ABCF1: variants seen among roughly 807,000 people sequenced by gnomAD.
The protein encoded by ABCF1 is ATP-binding cassette sub-family F member 1.
In ABCF1, 73 loss-of-function variants were observed where a neutral mutation model predicts 126.3. That is an observed-to-expected ratio of 0.58 (90% CI 0.48 to 0.70). ABCF1 has a LOEUF of 0.70. ABCF1 is among the 30% of genes least tolerant of loss of function. The probability of loss-of-function intolerance (pLI) is 0.00; values close to 1 mark genes in which losing one functional copy is unlikely to be tolerated. For missense variants in ABCF1, 786 were observed against 1,057.5 expected (o/e 0.74, Z 3.56); for synonymous variants, 345 against 396.4 (o/e 0.87, Z 1.54).
At chr6:30,575,984 G>A (rs1801476057) in intron 1 of ABCF1, among the ~76,000 whole-genome samples, 2 of 151,306 alleles carry the variant, frequency 1.3e-5, no homozygotes. Flanking sequence ...TAAAGTGGGA[G>A]GATCACCTAA....
Position 30,586,467 on chromosome 6 carries a change from C to CT in ABCF1, c.1886-4dup. On this transcript the variant is annotated splice_region_variant and splice_polypyrimidine_tract_variant and intron_variant, in intron 18 of 24. Transcript: ENST00000326195. The surrounding 1 kb of genome is among the most constrained non-coding windows in gnomAD (Gnocchi z 4.9). Reference sequence around the variant, plus strand: ...GAATATAAATTGCTTCTTTTCGTGGCTTTCAGGTGTGACATTCGGCTACCA... The same window carrying CT: ...GAATATAAATTGCTTCTTTTCGTGGCTTTTCAGGTGTGACATTCGGCTACCA... 1 of 1,613,736 alleles carries CT rather than the reference C, an allele frequency of 6.2e-7. No individual in the cohort carries two copies. Among genetic ancestry groups the CT allele is most frequent in the Non-Finnish European group, 8.5e-7 (1 of 1,180,000 alleles).
intron 24 of ABCF1, 42 bp downstream of exon 24, chr6:30,590,420 G>A: frequency 6.3e-7 from 1 of 1,585,494 alleles, no homozygotes; most frequent in Non-Finnish European, 8.6e-7. Context: ...GCTCCATGGG[G>A]ACCAAGCTGT....
In ABCF1 at chr6:30,586,229, G is replaced by A; in HGVS notation, c.1809G>A (p.Lys603=). The change falls in exon 18 of 25, where the codon AAG becomes AAA. Residue 603 remains lysine, a synonymous_variant. Coordinates refer to ENST00000326195, the MANE Select transcript of ABCF1 (RefSeq NM_001025091.2). The surrounding 1 kb of genome is among the most constrained non-coding windows in gnomAD (Gnocchi z 4.9). ...CCCAGGAGGCCCCTGAGCTCCTGAAGCGCCCTAAGGAGTACACTGTGCGCT... is the reference window on the plus strand; with the variant it reads ...CCCAGGAGGCCCCTGAGCTCCTGAAACGCCCTAAGGAGTACACTGTGCGCT... The part of the protein sequence containing the change: ...EESQEAPELL[K]RPKEYTVRFT... 6 of 1,614,062 alleles carry A rather than the reference G, an allele frequency of 3.7e-6. No homozygotes were observed. The highest frequency in any genetic ancestry group is 5.1e-6 in the Non-Finnish European group (6 of 1,179,966).
At chr6:30,577,163 T>C (rs1561784847) in intron 1 of ABCF1, among the ~76,000 whole-genome samples, 1 of 152,252 alleles carries the variant, frequency 6.6e-6, no homozygotes, top group Non-Finnish European at 1.5e-5. Context: ...TTCATTGCTA[T>C]GATCCCCTAC....
At position 30,584,289 on chromosome 6, in the gene ABCF1, G is replaced by A. The variant is rs1172992310; in HGVS notation, c.1200G>A (p.Gln400=). The A allele has an allele frequency of 6.2e-7, 1 of 1,612,996 alleles. No homozygotes were observed. The highest frequency in any genetic ancestry group is 1.3e-5 in the African/African-American group (1 of 74,898). The change falls in exon 13 of 25, where the codon CAG becomes CAA. Residue 400 remains glutamine (Q), a synonymous_variant. Transcript: ENST00000326195. This position sits in a 1 kb window ranked among gnomAD's most constrained non-coding sequence, Gnocchi z 4.6. The part of the protein sequence containing the change: ...LLEEERRLQG[Q]LEQGDDTAAE... Reference sequence around the variant, plus strand: ...AAGAGGAGCGGCGGCTTCAGGGACAGCTGGAACAAGGGGATGACACAGCTG... The same window carrying A: ...AAGAGGAGCGGCGGCTTCAGGGACAACTGGAACAAGGGGATGACACAGCTG...
At chr6:30,580,733 G>T (rs540071398) in intron 8 of ABCF1, among the ~76,000 whole-genome samples, 10 of 152,238 alleles carry the variant, frequency 6.6e-5, no homozygotes, top group African/African-American at 2.4e-4. Context: ...GAGTGCAGTG[G>T]TGTGAACACG....
chr6:30,572,848 G>A (rs1013496873), intron 1 of ABCF1, among the ~76,000 whole-genome samples: 13 of 152,174 alleles, frequency 8.5e-5, no homozygotes, highest in Non-Finnish European at 1.2e-4. Context: ...AAGGGGAAGC[G>A]CATTCCAAGC....
At chr6:30,577,126 G>A (rs1053404776) in intron 1 of ABCF1, among the ~76,000 whole-genome samples, 4 of 152,328 alleles carry the variant, frequency 2.6e-5, no homozygotes, top group East Asian at 1.9e-4. Flanking sequence ...TAGCCTGCAA[G>A]CTCCAGAGGA....
chr6:30,574,268 C>T lies in ABCF1; in HGVS notation c.73+2708C>T, dbSNP rs1400595476. Among the ~76,000 whole-genome samples, 1 of 152,020 alleles carries T rather than the reference C, an allele frequency of 6.6e-6. No individual in the cohort carries two copies. Among genetic ancestry groups the T allele is most frequent in the Non-Finnish European group, 1.5e-5 (1 of 68,004 alleles). On this transcript the variant is annotated intron_variant, in intron 1 of 24. Transcript: ENST00000326195. The surrounding 1 kb of genome is among the most constrained non-coding windows in gnomAD (Gnocchi z 4.3). ...TCCCTTGTAGCTGGGACTACAGGCA[C>T]ACACCGCCATGCCTGGCTTATTTTT...
At chr6:30,575,368 A>G (rs1215361804) in intron 1 of ABCF1, among the ~76,000 whole-genome samples, 1 of 67,152 alleles carries the variant, frequency 1.5e-5, no homozygotes, top group Non-Finnish European at 2.8e-5. Context: ...GCACCCGACC[A>G]ATTTTTTTTT....
At chr6:30,575,665 C>T (rs75130248) in intron 1 of ABCF1, among the ~76,000 whole-genome samples, 4,345 of 151,972 alleles carry the variant, frequency 0.029, 134 homozygotes, top group African/African-American at 0.075. Flanking sequence ...GTAAATATGA[C>T]ACAATGTGAT....
At position 30,574,414 on chromosome 6, in the gene ABCF1, G is replaced by A. The variant is rs1342299530; in HGVS notation, c.73+2854G>A. Among the ~76,000 whole-genome samples the A allele has an allele frequency of 6.6e-6, 1 of 152,208 alleles. No homozygotes were observed. Among genetic ancestry groups the A allele is most frequent in the East Asian group, 1.9e-4 (1 of 5,190 alleles). Reference sequence around the variant, plus strand: ...TGGTCCCCAAAATGTTGGGATTACAGGCGTGAGCCAGTGTGCCTGGCCACA... The same window carrying A: ...TGGTCCCCAAAATGTTGGGATTACAAGCGTGAGCCAGTGTGCCTGGCCACA... On this transcript the variant is annotated intron_variant, in intron 1 of 24. Coordinates refer to ENST00000326195, the MANE Select transcript of ABCF1 (RefSeq NM_001025091.2). This position sits in a 1 kb window ranked among gnomAD's most constrained non-coding sequence, Gnocchi z 4.3.
At chr6:30,588,525 C>G (rs778203851) in intron 20 of ABCF1, among the ~76,000 whole-genome samples, 2 of 152,018 alleles carry the variant, frequency 1.3e-5, no homozygotes, top group Non-Finnish European at 2.9e-5. Context: ...CCACGCCCAG[C>G]TAATTTTTTG....
rs1801388712 is a variant in ABCF1 at position 30,574,244 on chromosome 6, C to T, written c.73+2684C>T. 6.6e-6 allele frequency among the ~76,000 whole-genome samples: 1 copy of T among 151,938 alleles called. No homozygotes were observed. The highest frequency in any genetic ancestry group is 6.6e-5 in the Admixed American group (1 of 15,262). ...CTCAATCGCAGGCTCAAGCCATCTT[C>T]CCTTGTAGCTGGGACTACAGGCACA... On this transcript the variant is annotated intron_variant, in intron 1 of 24. Transcript: ENST00000326195. This position sits in a 1 kb window ranked among gnomAD's most constrained non-coding sequence, Gnocchi z 4.3.
chr6:30,580,475 G>A lies in ABCF1; in HGVS notation c.634G>A (p.Glu212Lys). 1 of 1,529,480 alleles carries A rather than the reference G, an allele frequency of 6.5e-7. No homozygotes were observed. The highest frequency in any genetic ancestry group is 8.7e-7 in the Non-Finnish European group (1 of 1,151,838). 94.7% of individuals were successfully genotyped at this position (1,529,480 alleles called of 1,614,324 possible). Reference protein sequence around the residue: ...DKEEEIIKEKEPPKQGKEKAK... With the variant: ...DKEEEIIKEKKPPKQGKEKAK... ...AGAAGAAGAAATTATAAAGGAAAAG[G>A]AGCCTCCCAAACAAGGGAAGGAGAA... The change falls in exon 8 of 25, where the codon GAG (glutamate) becomes AAG (lysine). Residue 212 changes from glutamate (E) to lysine (K), a missense_variant. Transcript: ENST00000326195.
At chr6:30,575,812 ATAATT>A (rs1356304784) in intron 1 of ABCF1, among the ~76,000 whole-genome samples, 2 of 152,136 alleles carry the variant, frequency 1.3e-5, no homozygotes, top group East Asian at 3.9e-4. Flanking sequence ...GCTCAGGCCT[ATAATT>A]CCAACAGTTT....
intron 1 of ABCF1, 94 bp downstream of exon 1, chr6:30,571,654 C>G: frequency 7.3e-7 from 1 of 1,367,030 alleles, no homozygotes; most frequent in Non-Finnish European, 1.0e-6. Context: ...CGAGACTGAC[C>G]GGGCCCCTGC....
At position 30,586,810 on chromosome 6, in the gene ABCF1, T is replaced by TA. The variant is rs377421779; in HGVS notation, c.2031+102dup. 2 of 1,285,924 alleles carry TA rather than the reference T, an allele frequency of 1.6e-6. No homozygotes were observed. Among genetic ancestry groups the TA allele is most frequent in the Admixed American group, 3.9e-5 (2 of 51,450 alleles). 79.7% of individuals were successfully genotyped at this position (1,285,924 alleles called of 1,614,324 possible). On this transcript the variant is annotated intron_variant, in intron 20 of 24. Transcript: ENST00000326195. This position sits in a 1 kb window ranked among gnomAD's most constrained non-coding sequence, Gnocchi z 4.9. ...AGGGAGCCTCTCGAGAATGTAGAGTTAAATACAGAACTCATGATAGATGAT... is the reference window on the plus strand; with the variant it reads ...AGGGAGCCTCTCGAGAATGTAGAGTTAAAATACAGAACTCATGATAGATGAT...
intron 8 of ABCF1, among the ~76,000 whole-genome samples, chr6:30,582,043 G>A (rs1801840926): frequency 6.6e-6 from 1 of 151,578 alleles, no homozygotes; most frequent in Non-Finnish European, 1.5e-5. Flanking sequence ...TCTAGAAGGA[G>A]TCCCTAGTTT....
Sources: gnomAD v4.1 joint callset for allele counts (sites outside exome capture counted in the v4.1 genomes callset) on GRCh38, gnomAD v4.1.1 for gene constraint, Gnocchi (gnomAD v3.1) non-coding constraint, MANE v1.5 for transcripts, NCBI Gene and HGNC (gene_info 2026-07-23, HGNC 2026-07-21) for gene names.